The following CACNG2 variants were observed in gnomAD, a reference collection of about 807,000 sequenced individuals.
CACNG2 encodes the protein calcium voltage-gated channel auxiliary subunit gamma 2.
In CACNG2, 3 loss-of-function variants were observed where a neutral mutation model predicts 25.9. The ratio of observed to expected loss-of-function variants is 0.12; its 90% confidence interval spans 0.05 to 0.30. CACNG2 has a LOEUF of 0.30. CACNG2 is among the 10% of genes least tolerant of loss of function. CACNG2 has a pLI of 1.00. For synonymous variants in CACNG2, 167 were observed against 173.3 expected, an observed-to-expected ratio of 0.96 and a Z score of 0.29; for missense variants, 341 against 432.5, an observed-to-expected ratio of 0.79 and a Z score of 1.88.
intron 1 of CACNG2, among the ~76,000 whole-genome samples, chr22:36,684,685 A>C (rs1937173426): frequency 6.6e-6 from 1 of 152,206 alleles, no homozygotes; most frequent in Non-Finnish European, 1.5e-5. Flanking sequence ...TTAAAACAAC[A>C]GCACTGTGTT....
chr22:36,607,284 G>A (rs1214108537), intron 1 of CACNG2, among the ~76,000 whole-genome samples: 4 of 152,066 alleles, frequency 2.6e-5, no homozygotes, highest in Non-Finnish European at 4.4e-5. Flanking sequence ...GACTTGCTCT[G>A]TCACCCCAGC....
intron 1 of CACNG2, among the ~76,000 whole-genome samples, chr22:36,632,807 T>C (rs1373884051): frequency 6.6e-6 from 1 of 151,992 alleles, no homozygotes; most frequent in Non-Finnish European, 1.5e-5. Flanking sequence ...TGCCCAGGTC[T>C]TCATCCTCAA....
chr22:36,619,878 T>C (rs1371291019), intron 1 of CACNG2, among the ~76,000 whole-genome samples: 1 of 152,262 alleles, frequency 6.6e-6, no homozygotes, highest in African/African-American at 2.4e-5. Context: ...CATGCCACTC[T>C]CGTGGCAGCT....
Position 36,570,720 on chromosome 22 carries a change from G to A in CACNG2, c.296-4227C>T, listed in dbSNP as rs190051286. ...GGAGGTTGCAGTGAGCTGAGATCGCGCCACTGCACCCCAGCCTGGGCAACA... is the reference window on the plus strand; with the variant it reads ...GGAGGTTGCAGTGAGCTGAGATCGCACCACTGCACCCCAGCCTGGGCAACA... On this transcript the variant is annotated intron_variant, in intron 2 of 3. Coordinates refer to ENST00000300105, the MANE Select transcript of CACNG2 (RefSeq NM_006078.5). 2.8e-3 allele frequency among the ~76,000 whole-genome samples: 376 copies of A among 135,738 alleles called. 1 individual carries two copies. The highest frequency in any genetic ancestry group is 0.01 in the African/African-American group (358 of 34,124). The allele number at this position is 135,738 out of a possible 152,430, so 89.0% of individuals were successfully genotyped here. A position where few individuals can be genotyped will look rare whatever the true frequency, so the allele number is the denominator to read the frequency against.
chr22:36,638,733 C>T (rs918903835), intron 1 of CACNG2, among the ~76,000 whole-genome samples: 6 of 152,088 alleles, frequency 3.9e-5, no homozygotes, highest in South Asian at 2.1e-4. Flanking sequence ...CTATTTTATG[C>T]GCTCTTGAAG....
intron 1 of CACNG2, among the ~76,000 whole-genome samples, chr22:36,619,862 G>A (rs920520985): frequency 6.6e-6 from 1 of 152,186 alleles, no homozygotes; most frequent in African/African-American, 2.4e-5. Flanking sequence ...TTGAAATTTG[G>A]ACATACATGC....
chr22:36,575,636 A>C (rs1935300404), intron 2 of CACNG2, among the ~76,000 whole-genome samples: 1 of 152,138 alleles, frequency 6.6e-6, no homozygotes, highest in Admixed American at 6.5e-5. Flanking sequence ...CTCTGGCCTC[A>C]GATCTGCACT....
chr22:36,651,382 C>G (rs1440185241), intron 1 of CACNG2, among the ~76,000 whole-genome samples: 1 of 151,962 alleles, frequency 6.6e-6, no homozygotes, highest in Non-Finnish European at 1.5e-5. Context: ...ATGGCCACCA[C>G]CATGCCCAGC....
Position 36,587,560 on chromosome 22 carries a change from G to C in CACNG2, c.212-12C>G, listed in dbSNP as rs146357556. On this transcript the variant is annotated splice_polypyrimidine_tract_variant and intron_variant, in intron 1 of 3. Coordinates refer to ENST00000300105, the MANE Select transcript of CACNG2 (RefSeq NM_006078.5). The stretch of plus-strand genomic sequence containing the variant: ...ACCTTTGAAATTCCCTGCAAAACAA[G>C]GGGAGAAGGAGCACATGAAACATCA... 6.3e-7 allele frequency: 1 copy of C among 1,595,462 alleles called. No individual in the cohort carries two copies. The highest frequency in any genetic ancestry group is 1.3e-5 in the African/African-American group (1 of 74,560).
At position 36,631,747 on chromosome 22, in the gene CACNG2, T is replaced by TTA. The variant is rs1421845757; in HGVS notation, c.212-44200_212-44199insTA. ...GTTATGTGAGCAACTCTTTTTTTTT[T>TTA]TTTTTTTACTGTGAAGCCAGTTTGG... On this transcript the variant is annotated intron_variant, in intron 1 of 3. Transcript: ENST00000300105. Among the ~76,000 whole-genome samples, 164 of 151,880 alleles carry TTA rather than the reference T, an allele frequency of 1.1e-3. 1 individual carries two copies. Among genetic ancestry groups the TTA allele is most frequent in the Non-Finnish European group, 2.0e-3 (137 of 67,950 alleles).
intron 1 of CACNG2, among the ~76,000 whole-genome samples, chr22:36,664,182 C>T (rs1936840465): frequency 6.6e-6 from 1 of 151,548 alleles, no homozygotes; most frequent in African/African-American, 2.4e-5. Flanking sequence ...GAGAACATAA[C>T]TGAAACGTTT....
intron 1 of CACNG2, among the ~76,000 whole-genome samples, chr22:36,662,097 G>T (rs1936807478): frequency 7.0e-6 from 1 of 143,002 alleles, no homozygotes; most frequent in Non-Finnish European, 1.5e-5. Context: ...TCCTGCCTCA[G>T]CCTCCCTAGT....
At chr22:36,577,553 G>A (rs959633718) in intron 2 of CACNG2, among the ~76,000 whole-genome samples, 3 of 151,892 alleles carry the variant, frequency 2.0e-5, no homozygotes, top group African/African-American at 4.8e-5. Context: ...GGGAGGCTGA[G>A]GCAGGAGACT....
intron 1 of CACNG2, among the ~76,000 whole-genome samples, chr22:36,682,919 A>T (rs1300740581): frequency 6.6e-6 from 1 of 152,186 alleles, no homozygotes; most frequent in African/African-American, 2.4e-5. Context: ...ATTTAAAAAA[A>T]ATCTTCCTTT....
At chr22:36,677,987 A>G (rs1937040181) in intron 1 of CACNG2, among the ~76,000 whole-genome samples, 1 of 152,226 alleles carries the variant, frequency 6.6e-6, no homozygotes, top group South Asian at 2.1e-4. Context: ...GGAAGCTGCT[A>G]AAATGAACTT....
chr22:36,631,879 G>A (rs961725924), intron 1 of CACNG2, among the ~76,000 whole-genome samples: 1 of 152,078 alleles, frequency 6.6e-6, no homozygotes, highest in Non-Finnish European at 1.5e-5. Flanking sequence ...GCTAGGGCTG[G>A]ACCTCAGGCT....
chr22:36,574,704 C>T (rs1218545096), intron 2 of CACNG2, among the ~76,000 whole-genome samples: 3 of 152,188 alleles, frequency 2.0e-5, no homozygotes, highest in African/African-American at 7.2e-5. Flanking sequence ...ATTGCTTGAA[C>T]CTGGGAGGTG....
intron 1 of CACNG2, among the ~76,000 whole-genome samples, chr22:36,636,648 T>A (rs1205288380): frequency 6.6e-6 from 1 of 152,262 alleles, no homozygotes; most frequent in African/African-American, 2.4e-5. Context: ...ACTGTGCTAT[T>A]TACCGTACCC....
chr22:36,564,344 G>A lies in CACNG2; in HGVS notation c.*7C>T, dbSNP rs1463488030. 3 of 1,604,552 alleles carry A rather than the reference G, an allele frequency of 1.9e-6. No homozygotes were observed. Among genetic ancestry groups the A allele is most frequent in the Non-Finnish European group, 2.6e-6 (3 of 1,175,452 alleles). On this transcript the variant is annotated 3_prime_UTR_variant, in exon 4 of 4. Coordinates refer to ENST00000300105, the MANE Select transcript of CACNG2 (RefSeq NM_006078.5). This position sits in a 1 kb window ranked among gnomAD's most constrained non-coding sequence, Gnocchi z 6.7. ...CTCCCGCGGTCTTCTGGCGAGGCCC[G>A]CGGTCTTTATACGGGGGTGGTCCGG...
Sources: allele counts gnomAD v4.1 joint callset (sites outside exome capture counted in the v4.1 genomes callset), GRCh38; gene constraint gnomAD v4.1.1; non-coding constraint Gnocchi (gnomAD v3.1); transcripts MANE v1.5; gene names NCBI Gene and HGNC (gene_info 2026-07-23, HGNC 2026-07-21).